The following LUC7L variants were observed in gnomAD, a reference collection of about 807,000 sequenced individuals.
LUC7L encodes putative RNA-binding protein Luc7-like 1.
Under a neutral mutation model 51.1 loss-of-function variants are expected in LUC7L, and 29 were observed. The observed-to-expected ratio is 0.57, with a 90% CI of 0.42 to 0.77. The LOEUF is 0.77. Among genes scored for constraint, LUC7L ranks in the 30% least tolerant of loss-of-function variants. The probability of loss-of-function intolerance (pLI) is 0.00; values close to 1 mark genes in which losing one functional copy is unlikely to be tolerated. For synonymous variants in LUC7L, 181 were observed against 180.7 expected, an observed-to-expected ratio of 1.00 and a Z score of -0.01; for missense variants, 403 against 511.9, an observed-to-expected ratio of 0.79 and a Z score of 2.05.
intron 7 of LUC7L, 196 bp from the exon 8 acceptor site, chr16:190,766 G>A (rs2048990970): frequency 1.7e-6 from 1 of 584,854 alleles, no homozygotes; most frequent in East Asian, 2.8e-5. Flanking sequence ...TGTAATCCCA[G>A]CTACTCAGGA....
intron 1 of LUC7L, chr16:229,076 G>A (rs1014315969): frequency 2.3e-5 from 32 of 1,415,288 alleles, no homozygotes; most frequent in African/African-American, 1.2e-4. Flanking sequence ...CTCCGAGAGA[G>A]GAGCCCGACC....
chr16:196,856 G>A (rs1006163433), intron 6 of LUC7L, among the ~76,000 whole-genome samples: 46 of 150,492 alleles, frequency 3.1e-4, no homozygotes, highest in African/African-American at 1.1e-3. Context: ...AGTGGTAAAT[G>A]CATACTAAAT....
At chr16:209,488 TC>T (rs2049578663) in intron 3 of LUC7L, 2 of 46,892 alleles carry the variant, frequency 4.3e-5, no homozygotes, top group Admixed American at 2.3e-4. Flanking sequence ...AGATTCCATC[TC>T]AAAAAAAAAA....
intron 7 of LUC7L, among the ~76,000 whole-genome samples, chr16:191,463 A>G (rs2049006664): frequency 6.6e-6 from 1 of 152,194 alleles, no homozygotes; most frequent in South Asian, 2.1e-4. Context: ...GTAAAAATGT[A>G]AACTCCATGC....
At chr16:204,678 G>A (rs1177498970) in intron 5 of LUC7L, among the ~76,000 whole-genome samples, 5 of 152,002 alleles carry the variant, frequency 3.3e-5, no homozygotes, top group Admixed American at 2.0e-4. Flanking sequence ...ACTTCTGTAC[G>A]TTTACACTGC....
At chr16:205,352 T>C (rs1407842214) in intron 5 of LUC7L, among the ~76,000 whole-genome samples, 3 of 152,226 alleles carry the variant, frequency 2.0e-5, no homozygotes, top group South Asian at 2.1e-4. Context: ...CTTTTCATAA[T>C]AGACTTGTGT....
At chr16:226,510 G>A (rs201806627) in intron 2 of LUC7L, among the ~76,000 whole-genome samples, 2 of 152,108 alleles carry the variant, frequency 1.3e-5, no homozygotes, top group East Asian at 3.8e-4. Context: ...AAATTGTAGG[G>A]TTCTATATTC....
At chr16:211,951 G>A (rs1748489802) in intron 3 of LUC7L, among the ~76,000 whole-genome samples, 1 of 152,210 alleles carries the variant, frequency 6.6e-6, no homozygotes, top group South Asian at 2.1e-4. Context: ...TGTCACAGCA[G>A]ACAGGTGCCC....
intron 1 of LUC7L, chr16:229,006 GGGGA>G: frequency 6.9e-7 from 1 of 1,445,696 alleles, no homozygotes; most frequent in Non-Finnish European, 9.1e-7. Context: ...GGCGCCCGCC[GGGGA>G]GGAAGTAGCA....
intron 2 of LUC7L, among the ~76,000 whole-genome samples, chr16:226,161 C>T (rs977555650): frequency 3.3e-5 from 5 of 152,196 alleles, no homozygotes; most frequent in South Asian, 2.1e-4. Flanking sequence ...GCATTCATTT[C>T]GCATTTGCTG....
intron 5 of LUC7L, among the ~76,000 whole-genome samples, chr16:199,690 G>A (rs1178576971): frequency 6.8e-6 from 1 of 146,056 alleles, no homozygotes; most frequent in African/African-American, 2.5e-5. Context: ...AGAATGGCTT[G>A]AACTCGGGAG....
chr16:218,383 G>C, intron 3 of LUC7L, among the ~76,000 whole-genome samples: 1 of 152,068 alleles, frequency 6.6e-6, no homozygotes, highest in Non-Finnish European at 1.5e-5. Flanking sequence ...ACTAGCGATG[G>C]GTGATTAGGG....
intron 7 of LUC7L, 93 bp downstream of exon 7, chr16:192,834 C>T (rs534641061): frequency 3.6e-6 from 4 of 1,103,412 alleles, no homozygotes; most frequent in Non-Finnish European, 5.5e-6. Flanking sequence ...GCCTATTGGG[C>T]AGGCCCTGCC....
At chr16:194,610 C>T (rs9933361) in intron 6 of LUC7L, among the ~76,000 whole-genome samples, 2,517 of 152,300 alleles carry the variant, frequency 0.017, 77 homozygotes, top group African/African-American at 0.057. Flanking sequence ...GCAGCCCAAC[C>T]TCAGGGTGCT....
intron 6 of LUC7L, among the ~76,000 whole-genome samples, chr16:196,500 G>A (rs1403538623): frequency 6.6e-6 from 1 of 150,608 alleles, no homozygotes; most frequent in South Asian, 2.1e-4. Context: ...AAGGAGAAAT[G>A]GGAAAGTAAC....
At chr16:228,814 C>G (rs1005620369) in intron 1 of LUC7L, 14 of 1,290,908 alleles carry the variant, frequency 1.1e-5, no homozygotes, top group Non-Finnish European at 1.3e-5. Flanking sequence ...GTTTACGGTT[C>G]CCCTTGCAAT....
chr16:196,623 G>A (rs1427565744), intron 6 of LUC7L, among the ~76,000 whole-genome samples: 1 of 151,662 alleles, frequency 6.6e-6, no homozygotes, highest in Non-Finnish European at 1.5e-5. Context: ...TGCCTCCCGG[G>A]TTCAAGCGAT....
chr16:204,011 A>C (rs1451338100), intron 5 of LUC7L, among the ~76,000 whole-genome samples: 2 of 152,112 alleles, frequency 1.3e-5, no homozygotes, highest in Non-Finnish European at 2.9e-5. Flanking sequence ...ATGAGACTCC[A>C]TCTCAAAAAA....
intron 5 of LUC7L, among the ~76,000 whole-genome samples, chr16:201,809 T>C (rs1025731774): frequency 7.1e-6 from 1 of 141,184 alleles, no homozygotes; most frequent in Admixed American, 7.8e-5. Context: ...AATGGCACGA[T>C]CTCTGTTCGC....
Sources: allele counts gnomAD v4.1 joint callset (sites outside exome capture counted in the v4.1 genomes callset), GRCh38; gene constraint gnomAD v4.1.1; transcripts MANE v1.5; gene names NCBI Gene and HGNC (gene_info 2026-07-23, HGNC 2026-07-21).